Variants in SCAF4 observed in about 807,000 individuals in gnomAD.
The protein encoded by SCAF4 is SR-related and CTD-associated factor 4.
Under a neutral mutation model 129.8 loss-of-function variants are expected in SCAF4, and 25 were observed. The observed-to-expected ratio is 0.19, with a 90% confidence interval of 0.14 to 0.27. SCAF4 has a LOEUF of 0.27. Ranked by LOEUF, SCAF4 falls within the 10% of genes least tolerant of loss-of-function variation. The pLI is 1.00. For missense variants in SCAF4, 1,246 were observed against 1,457.1 expected (o/e 0.86, Z 2.36); for synonymous variants, 551 against 497.7 (o/e 1.11, Z -1.43).
At chr21:31,706,939 T>C (rs1555850881) in intron 1 of SCAF4, 5 of 307,868 alleles carry the variant, frequency 1.6e-5, no homozygotes, top group Non-Finnish European at 2.5e-5. Context: ...TTTTATCAAC[T>C]ATTTTGTAAA....
intron 1 of SCAF4, among the ~76,000 whole-genome samples, chr21:31,723,629 T>TGTGTGTGTGTGTGTGTGTGTGTGTGC (rs1271033175): frequency 6.7e-6 from 1 of 149,000 alleles, no homozygotes; most frequent in African/African-American, 2.5e-5. Flanking sequence ...TGTGTGTGTG[T>TGTGTGTGTGTGTGTGTGTGTGTGTGC]GCGCGCGCGC....
intron 9 of SCAF4, among the ~76,000 whole-genome samples, chr21:31,695,579 A>G (rs1488707377): frequency 6.6e-6 from 1 of 152,222 alleles, no homozygotes; most frequent in Non-Finnish European, 1.5e-5. Flanking sequence ...AGTAATTGTT[A>G]AACACTTGAA....
At chr21:31,700,818 C>T (rs1400601388) in intron 7 of SCAF4, 177 bp downstream of exon 7, 17 of 725,556 alleles carry the variant, frequency 2.3e-5, no homozygotes, top group Middle Eastern at 4.9e-4. Flanking sequence ...TTGCACTGAG[C>T]ACATATCACA....
chr21:31,726,386 C>T (rs972571228), intron 1 of SCAF4, among the ~76,000 whole-genome samples: 1 of 152,218 alleles, frequency 6.6e-6, no homozygotes, highest in Non-Finnish European at 1.5e-5. Flanking sequence ...TCTAGCCAGG[C>T]ATGGTGGCTC....
chr21:31,702,439 T>C (rs2050556562), intron 4 of SCAF4, 60 bp from the exon 5 acceptor site: 22 of 1,456,898 alleles, frequency 1.5e-5, no homozygotes, highest in Non-Finnish European at 2.0e-5. Flanking sequence ...CCGATTATAC[T>C]CTTACAAAAA....
intron 1 of SCAF4, among the ~76,000 whole-genome samples, chr21:31,717,902 TATACACACACACACACACACAC>T (rs1223745331): frequency 2.1e-5 from 2 of 95,548 alleles, no homozygotes; most frequent in African/African-American, 8.5e-5. Flanking sequence ...TATACACATA[TATACACACACACACACACACAC>T]ACACACACAC....
chr21:31,718,875 G>A (rs562950008), intron 1 of SCAF4, among the ~76,000 whole-genome samples: 166 of 152,014 alleles, frequency 1.1e-3, no homozygotes, highest in African/African-American at 3.8e-3. Flanking sequence ...TTCTAGTTCC[G>A]GAATTTAAAG....
rs144220303 is a variant in SCAF4, at chr21:31,679,888, A to G, written c.2488+5161T>C. Among the ~76,000 whole-genome samples, 236 of 152,360 alleles carry G rather than the reference A, an allele frequency of 1.5e-3. 3 individuals carry two copies. Among genetic ancestry groups the G allele is most frequent in the Admixed American group, 5.7e-3 (87 of 15,300 alleles). Reference sequence around the variant, plus strand: ...TTAGCATAATAATAATTACTTAAGTATGTTACTATAATTGACAAAGTGCAA... The same window carrying G: ...TTAGCATAATAATAATTACTTAAGTGTGTTACTATAATTGACAAAGTGCAA... On this transcript the variant is annotated intron_variant, in intron 19 of 19. Coordinates refer to ENST00000286835, the MANE Select transcript of SCAF4 (RefSeq NM_020706.2).
chr21:31,695,182 A>C (rs2050355785), intron 9 of SCAF4, among the ~76,000 whole-genome samples: 1 of 152,222 alleles, frequency 6.6e-6, no homozygotes, highest in African/African-American at 2.4e-5. Context: ...AAAATCCTGT[A>C]ACTCTTTTTA....
intron 1 of SCAF4, among the ~76,000 whole-genome samples, chr21:31,725,926 GTTTA>G (rs1350361917): frequency 6.6e-6 from 1 of 151,826 alleles, no homozygotes; most frequent in Admixed American, 6.6e-5. Flanking sequence ...ATTGTAATAA[GTTTA>G]TTGTTATTTT....
chr21:31,717,904 TACACACACAC>T lies in SCAF4; in HGVS notation c.31-11557_31-11548del, dbSNP rs35191665. On this transcript the variant is annotated intron_variant, in intron 1 of 19. Transcript: ENST00000286835. The stretch of plus-strand genomic sequence containing the variant: ...ATATATACACATATATACACATATA[TACACACACAC>T]ACACACACACACACACACACACACA... Among the ~76,000 whole-genome samples the T allele has an allele frequency of 3.4e-3, 400 of 117,976 alleles. 2 individuals carry two copies. Among genetic ancestry groups the T allele is most frequent in the Middle Eastern group, 0.012 (3 of 254 alleles). The allele number at this position is 117,976 out of a possible 152,430, so 77.4% of individuals were successfully genotyped here.
At position 31,706,511 on chromosome 21, in the gene SCAF4, G is replaced by A. The variant is rs148519386; in HGVS notation, c.31-154C>T. ...CAGCTAGGGCAGCAGGAAGAGCTTT[G>A]GTGGCCAGGCACCCAGCACACACCC... On this transcript the variant is annotated intron_variant, in intron 1 of 19. Coordinates refer to ENST00000286835, the MANE Select transcript of SCAF4 (RefSeq NM_020706.2). 1,018 of 606,972 alleles carry A rather than the reference G, an allele frequency of 1.7e-3. 1 individual carries two copies. Among genetic ancestry groups the A allele is most frequent in the Non-Finnish European group, 2.2e-3 (743 of 338,804 alleles). 37.6% of individuals were successfully genotyped at this position (606,972 alleles called of 1,614,324 possible).
Position 31,671,347 on chromosome 21 carries a change from A to C in SCAF4, c.*52T>G. The C allele has an allele frequency of 6.4e-7, 1 of 1,569,342 alleles. No homozygotes were observed. Among genetic ancestry groups the C allele is most frequent in the Non-Finnish European group, 8.6e-7 (1 of 1,157,770 alleles). ...ATATAATACAGCATCTGTACACCTC[A>C]AGCTCTACACTCCAGGAAGTGTCAC... On this transcript the variant is annotated 3_prime_UTR_variant, in exon 20 of 20. Transcript: ENST00000286835.
chr21:31,707,208 C>T (rs1601242102), intron 1 of SCAF4, among the ~76,000 whole-genome samples: 1 of 152,138 alleles, frequency 6.6e-6, no homozygotes, highest in African/African-American at 2.4e-5. Context: ...CAAATATTAG[C>T]CAGCCATGGT....
chr21:31,690,657 T>C, intron 15 of SCAF4, 140 bp downstream of exon 15: 1 of 663,950 alleles, frequency 1.5e-6, no homozygotes, highest in East Asian at 2.6e-5. Context: ...ACCCTCAGTT[T>C]ATAATGGAGA....
Position 31,700,994 on chromosome 21 carries a change from C to T in SCAF4, c.777+1G>A. On this transcript the variant is annotated splice_donor_variant, in intron 7 of 19. Transcript: ENST00000286835. LOFTEE classifies it high-confidence loss of function. ...GGGTGGGTTATGTGAGAGAAATATA[C>T]CTTGTCAAATGCAGTTTTCTGTTCA... 1.2e-6 allele frequency: 2 copies of T among 1,613,924 alleles called. No homozygotes were observed. The highest frequency in any genetic ancestry group is 1.7e-6 in the Non-Finnish European group (2 of 1,179,908).
intron 19 of SCAF4, among the ~76,000 whole-genome samples, chr21:31,679,675 T>C (rs2049950606): frequency 6.6e-6 from 1 of 152,150 alleles, no homozygotes; most frequent in African/African-American, 2.4e-5. Context: ...ATAATGCAGA[T>C]ATACTGAGAT....
At chr21:31,710,718 G>A (rs1379633429) in intron 1 of SCAF4, among the ~76,000 whole-genome samples, 1 of 152,204 alleles carries the variant, frequency 6.6e-6, no homozygotes, top group East Asian at 1.9e-4. Flanking sequence ...AGGTTAATCA[G>A]GATGCAAAAC....
At position 31,732,053 on chromosome 21, in the gene SCAF4, C is replaced by G; in HGVS notation, c.-361G>C. The G allele has an allele frequency of 2.4e-6, 1 of 424,546 alleles. No individual in the cohort carries two copies. Among genetic ancestry groups the G allele is most frequent in the Non-Finnish European group, 4.1e-6 (1 of 243,420 alleles). The allele number at this position is 424,546 out of a possible 1,614,324, so 26.3% of individuals were successfully genotyped here. A position where few individuals can be genotyped will look rare whatever the true frequency, so the allele number is the denominator to read the frequency against. On this transcript the variant is annotated 5_prime_UTR_variant, in exon 1 of 20. Coordinates refer to ENST00000286835, the MANE Select transcript of SCAF4 (RefSeq NM_020706.2). ...CTGGCCCGGCCGGCGAGCGGGCGGG[C>G]CTCTCTCTCCCTCTCTCCAGCGGGA...
Sources: allele counts gnomAD v4.1 joint callset (sites outside exome capture counted in the v4.1 genomes callset), GRCh38; gene constraint gnomAD v4.1.1; transcripts MANE v1.5; gene names NCBI Gene and HGNC (gene_info 2026-07-23, HGNC 2026-07-21).